The following RALY variants were observed in gnomAD, a reference collection of about 807,000 sequenced individuals.
The protein encoded by RALY is RALY heterogeneous nuclear ribonucleoprotein.
In RALY, 15 loss-of-function variants were observed where a neutral mutation model predicts 30.7. The observed-to-expected ratio is 0.49, with a 90% CI of 0.33 to 0.75. RALY has a LOEUF of 0.75. RALY is among the 30% of genes least tolerant of loss of function. The pLI, the probability that RALY is intolerant of heterozygous loss-of-function variation, is 0.02. For missense variants in RALY, 339 were observed against 414.3 expected, an observed-to-expected ratio of 0.82 and a Z score of 1.58; for synonymous variants, 177 against 170.8, an observed-to-expected ratio of 1.04 and a Z score of -0.28.
At chr20:34,046,375 T>G (rs772771626) in intron 2 of RALY, among the ~76,000 whole-genome samples, 18 of 152,202 alleles carry the variant, frequency 1.2e-4, no homozygotes, top group Non-Finnish European at 1.9e-4. Flanking sequence ...GGAGTGGTTT[T>G]CCTGTTTGTA....
At chr20:34,047,398 G>A (rs565047280) in intron 2 of RALY, among the ~76,000 whole-genome samples, 2 of 152,206 alleles carry the variant, frequency 1.3e-5, no homozygotes, top group East Asian at 3.9e-4. Flanking sequence ...GACTCTGCTT[G>A]GATTATCTTC....
chr20:34,007,860 T>G (rs928421641), intron 1 of RALY, among the ~76,000 whole-genome samples: 2 of 150,326 alleles, frequency 1.3e-5, no homozygotes, highest in African/African-American at 4.9e-5. Flanking sequence ...GGCCTTAGCT[T>G]CTTTGTGACC....
chr20:34,002,787 C>T (rs1417727829), intron 1 of RALY, among the ~76,000 whole-genome samples: 1 of 152,180 alleles, frequency 6.6e-6, no homozygotes, highest in Non-Finnish European at 1.5e-5. Context: ...ACACAGTTCT[C>T]TGGCTGGCTT....
chr20:34,013,924 C>A (rs556456257), intron 1 of RALY, among the ~76,000 whole-genome samples: 1 of 152,020 alleles, frequency 6.6e-6, no homozygotes, highest in Non-Finnish European at 1.5e-5. Context: ...TATGACAGTG[C>A]GCTTTAAAGA....
At chr20:34,051,031 G>T (rs953301051) in intron 2 of RALY, among the ~76,000 whole-genome samples, 1 of 152,196 alleles carries the variant, frequency 6.6e-6, no homozygotes, top group African/African-American at 2.4e-5. Context: ...TATTTGGGAA[G>T]GGATGACTGG....
intron 2 of RALY, among the ~76,000 whole-genome samples, chr20:34,062,091 T>C (rs1228201079): frequency 1.3e-5 from 2 of 152,108 alleles, no homozygotes; most frequent in Non-Finnish European, 2.9e-5. Context: ...ACTTTATTCA[T>C]CTCTGGTTCC....
chr20:34,069,735 C>G (rs2033674416), intron 2 of RALY, among the ~76,000 whole-genome samples: 1 of 152,176 alleles, frequency 6.6e-6, no homozygotes, highest in Admixed American at 6.5e-5. Context: ...CTCGTATGCA[C>G]AGTGTGTTAC....
chr20:34,008,056 C>T (rs1228956592), intron 1 of RALY, among the ~76,000 whole-genome samples: 1 of 152,170 alleles, frequency 6.6e-6, no homozygotes, highest in Non-Finnish European at 1.5e-5. Flanking sequence ...TCCCTGTCAT[C>T]CTGTCTTGCT....
chr20:34,039,617 T>C (rs1385663696), intron 2 of RALY, among the ~76,000 whole-genome samples: 1 of 152,216 alleles, frequency 6.6e-6, no homozygotes, highest in Non-Finnish European at 1.5e-5. Flanking sequence ...CCCTAGAGTA[T>C]TTAGAATGCT....
chr20:34,008,264 T>A (rs775858346), intron 1 of RALY, among the ~76,000 whole-genome samples: 3 of 152,202 alleles, frequency 2.0e-5, no homozygotes, highest in Non-Finnish European at 2.9e-5. Context: ...AAAGGTGTTA[T>A]TGCTTTTATG....
chr20:34,076,202 G>A, intron 6 of RALY, 162 bp downstream of exon 6: 1 of 961,042 alleles, frequency 1.0e-6, no homozygotes, highest in Non-Finnish European at 1.5e-6. Context: ...AGAGGAAACA[G>A]CTGATGTTTT....
intron 2 of RALY, among the ~76,000 whole-genome samples, chr20:34,048,773 G>C (rs6059647): frequency 6.9e-6 from 1 of 145,566 alleles, no homozygotes; most frequent in African/African-American, 2.5e-5. Flanking sequence ...GGAGAATGGC[G>C]TGAACCCTGG....
At chr20:34,068,190 G>C (rs1015756276) in intron 2 of RALY, among the ~76,000 whole-genome samples, 1 of 152,046 alleles carries the variant, frequency 6.6e-6, no homozygotes, top group African/African-American at 2.4e-5. Flanking sequence ...ACCCCTGGGG[G>C]CTGCAGACAC....
intron 1 of RALY, among the ~76,000 whole-genome samples, chr20:34,021,225 G>A (rs2031807175): frequency 6.6e-6 from 1 of 152,192 alleles, no homozygotes; most frequent in African/African-American, 2.4e-5. Flanking sequence ...ACCTCCCAAA[G>A]TGCTGGGATT....
intron 2 of RALY, among the ~76,000 whole-genome samples, chr20:34,032,032 G>A (rs1204843951): frequency 4.6e-5 from 7 of 152,104 alleles, no homozygotes; most frequent in Non-Finnish European, 1.0e-4. Context: ...GCACGATCTC[G>A]GCTCAATGCA....
chr20:34,008,599 GGT>G (rs1342959707), intron 1 of RALY, among the ~76,000 whole-genome samples: 1 of 152,206 alleles, frequency 6.6e-6, no homozygotes, highest in Admixed American at 6.5e-5. Flanking sequence ...GTCACATACT[GGT>G]AGCCCCTTGG....
chr20:34,028,281 A>G (rs1234885937), intron 1 of RALY, among the ~76,000 whole-genome samples: 1 of 150,244 alleles, frequency 6.7e-6, no homozygotes, highest in South Asian at 2.1e-4. Context: ...GCAAGACCCT[A>G]TCTTAAAAAA....
At chr20:33,996,518 T>C (rs2030638171) in intron 1 of RALY, among the ~76,000 whole-genome samples, 1 of 151,928 alleles carries the variant, frequency 6.6e-6, no homozygotes, top group South Asian at 2.1e-4. Flanking sequence ...AGAAACAGGC[T>C]TAGAGAGGTT....
At chr20:34,049,328 T>C (rs1353009048) in intron 2 of RALY, 1 of 154,328 alleles carries the variant, frequency 6.5e-6, no homozygotes, top group African/African-American at 2.4e-5. Flanking sequence ...CTGCTACCAA[T>C]ATGTTAGTCA....
Sources: gnomAD v4.1 joint callset for allele counts (sites outside exome capture counted in the v4.1 genomes callset) on GRCh38, gnomAD v4.1.1 for gene constraint, MANE v1.5 for transcripts, NCBI Gene and HGNC (gene_info 2026-07-23, HGNC 2026-07-21) for gene names.